Variants in GABRG3 observed in about 807,000 individuals in gnomAD.
GABRG3 encodes the protein gamma-aminobutyric acid type A receptor subunit gamma3.
A neutral mutation model predicts 48.8 loss-of-function variants in GABRG3; 25 were observed. The observed-to-expected ratio is 0.51, with a 90% confidence interval of 0.37 to 0.72. The LOEUF (loss-of-function observed/expected upper bound fraction) is 0.72, where lower values mean the gene tolerates loss of function less well. Ranked by LOEUF, GABRG3 falls within the 30% of genes least tolerant of loss-of-function variation. The probability of loss-of-function intolerance (pLI) is 0.00; values close to 1 mark genes in which losing one functional copy is unlikely to be tolerated. For missense variants in GABRG3, 394 were observed against 577.9 expected (o/e 0.68, Z 3.26); for synonymous variants, 227 against 217.6 (o/e 1.04, Z -0.38).
intron 3 of GABRG3, among the ~76,000 whole-genome samples, chr15:27,202,243 T>C (rs141481702): frequency 1.1e-4 from 16 of 152,352 alleles, no homozygotes; most frequent in African/African-American, 3.6e-4. Flanking sequence ...TAGATTCTTA[T>C]TAAAGATATT....
intron 3 of GABRG3, among the ~76,000 whole-genome samples, chr15:27,188,965 C>T (rs1349791763): frequency 6.6e-6 from 1 of 151,984 alleles, no homozygotes; most frequent in Non-Finnish European, 1.5e-5. Context: ...GTTTTCCCAG[C>T]ACCATTTATT....
At chr15:27,241,389 C>T (rs1327246128) in intron 3 of GABRG3, among the ~76,000 whole-genome samples, 2 of 152,162 alleles carry the variant, frequency 1.3e-5, no homozygotes, top group East Asian at 3.9e-4. Context: ...GTTTCTAGAA[C>T]TGTTATACAA....
At chr15:27,351,081 GTA>G (rs767000462) in intron 5 of GABRG3, among the ~76,000 whole-genome samples, 4 of 149,824 alleles carry the variant, frequency 2.7e-5, no homozygotes, top group Non-Finnish European at 4.5e-5. Flanking sequence ...GTATGTGTGT[GTA>G]TAGTGTGTGT....
At chr15:27,253,799 T>C (rs1005006098) in intron 3 of GABRG3, among the ~76,000 whole-genome samples, 6 of 152,214 alleles carry the variant, frequency 3.9e-5, no homozygotes, top group African/African-American at 1.2e-4. Flanking sequence ...TGCAATATAA[T>C]GGAATGGGAA....
chr15:26,974,845 TA>T lies in GABRG3; in HGVS notation c.54-2156del, dbSNP rs1253847761. 0.016 allele frequency among the ~76,000 whole-genome samples: 292 copies of T among 18,398 alleles called. No individual in the cohort carries two copies. The highest frequency in any genetic ancestry group is 0.1 in the African/African-American group (274 of 2,638). 12.1% of individuals were successfully genotyped at this position (18,398 alleles called of 152,430 possible). A position where few individuals can be genotyped will look rare whatever the true frequency, so the allele number is the denominator to read the frequency against. ...GATGACACGAAATATTTTTTAAATT[TA>T]TTATTATTATTATTATTATTATTAT... On this transcript the variant is annotated intron_variant, in intron 1 of 9. Transcript: ENST00000615808. This position sits in a 1 kb window ranked among gnomAD's most constrained non-coding sequence, Gnocchi z 4.3.
At chr15:27,207,736 A>G (rs776992203) in intron 3 of GABRG3, among the ~76,000 whole-genome samples, 5 of 152,198 alleles carry the variant, frequency 3.3e-5, no homozygotes, top group Non-Finnish European at 7.3e-5. Context: ...GTATTCACTC[A>G]GGAAGTATCC....
chr15:27,526,126 G>A (rs1891271349), intron 7 of GABRG3, among the ~76,000 whole-genome samples: 1 of 152,120 alleles, frequency 6.6e-6, no homozygotes, highest in African/African-American at 2.4e-5. Context: ...ATTCAAAGAT[G>A]GTAAGTGACT....
At chr15:27,384,492 C>T (rs528736047) in intron 5 of GABRG3, among the ~76,000 whole-genome samples, 1 of 152,292 alleles carries the variant, frequency 6.6e-6, no homozygotes, top group Non-Finnish European at 1.5e-5. Flanking sequence ...GTGAAATACA[C>T]ACGCACACAC....
At chr15:27,295,853 C>T (rs550766178) in intron 3 of GABRG3, among the ~76,000 whole-genome samples, 54 of 152,246 alleles carry the variant, frequency 3.5e-4, no homozygotes, top group African/African-American at 1.2e-3. Flanking sequence ...TGATCTAGGC[C>T]ACTTCAAAGG....
chr15:27,526,066 A>G (rs932269558), intron 7 of GABRG3, among the ~76,000 whole-genome samples: 1 of 152,202 alleles, frequency 6.6e-6, no homozygotes, highest in Non-Finnish European at 1.5e-5. Context: ...TACCACCTAT[A>G]TTAAAGAGTG....
intron 3 of GABRG3, among the ~76,000 whole-genome samples, chr15:27,306,769 T>TATACAATATAAACATGTTTATATATAAAC (rs1566769017): frequency 9.0e-6 from 1 of 111,454 alleles, no homozygotes; most frequent in Non-Finnish European, 1.7e-5. Context: ...TATATAAACA[T>TATACAATATAAACATGTTTATATATAAAC]ACAATATAAA....
intron 5 of GABRG3, among the ~76,000 whole-genome samples, chr15:27,354,073 C>T (rs986219537): frequency 3.3e-5 from 5 of 152,140 alleles, no homozygotes; most frequent in African/African-American, 1.2e-4. Flanking sequence ...ATCACTTTGG[C>T]TCAGATCCAG....
chr15:27,015,588 C>T (rs530840135), intron 2 of GABRG3, among the ~76,000 whole-genome samples: 17 of 151,776 alleles, frequency 1.1e-4, no homozygotes, highest in South Asian at 2.1e-4. Context: ...GGGGTTTCAC[C>T]GTGTTAGCCA....
intron 5 of GABRG3, among the ~76,000 whole-genome samples, chr15:27,378,830 A>G (rs1381183050): frequency 6.6e-6 from 1 of 152,226 alleles, no homozygotes; most frequent in Non-Finnish European, 1.5e-5. Flanking sequence ...TGTAAAGAAA[A>G]GAAAGTTATT....
chr15:27,401,457 A>G (rs1276485887), intron 5 of GABRG3, among the ~76,000 whole-genome samples: 5 of 152,238 alleles, frequency 3.3e-5, no homozygotes, highest in Non-Finnish European at 7.3e-5. Context: ...ATCCAAAACA[A>G]TATTTGAAAA....
chr15:27,290,427 C>T (rs1318137752), intron 3 of GABRG3, among the ~76,000 whole-genome samples: 1 of 151,944 alleles, frequency 6.6e-6, no homozygotes, highest in Non-Finnish European at 1.5e-5. Flanking sequence ...AAGAAAGTGA[C>T]TTTACAGTGG....
chr15:27,217,865 C>T (rs1595592667), intron 3 of GABRG3, among the ~76,000 whole-genome samples: 1 of 152,168 alleles, frequency 6.6e-6, no homozygotes, highest in Non-Finnish European at 1.5e-5. Context: ...TTCTTCCCAG[C>T]GGGACGGCTG....
At chr15:27,357,324 A>G (rs1894874581) in intron 5 of GABRG3, among the ~76,000 whole-genome samples, 1 of 152,188 alleles carries the variant, frequency 6.6e-6, no homozygotes, top group South Asian at 2.1e-4. Context: ...CAAGTGGGTA[A>G]ATTGACGTAG....
chr15:27,479,126 G>GA (rs557608942), intron 5 of GABRG3, among the ~76,000 whole-genome samples: 214 of 143,574 alleles, frequency 1.5e-3, no homozygotes, highest in Middle Eastern at 3.7e-3. Flanking sequence ...GAGAATATGT[G>GA]AAAAAAAAAA....
Sources: allele counts gnomAD v4.1 joint callset (sites outside exome capture counted in the v4.1 genomes callset), GRCh38; gene constraint gnomAD v4.1.1; non-coding constraint Gnocchi (gnomAD v3.1); transcripts MANE v1.5; gene names NCBI Gene and HGNC (gene_info 2026-07-23, HGNC 2026-07-21).